MARCHF1: variants seen among roughly 807,000 people sequenced by gnomAD.
MARCHF1 encodes the protein membrane associated ring-CH-type finger 1.
Under a neutral mutation model 54.2 loss-of-function variants are expected in MARCHF1, and 40 were observed. The ratio of observed to expected loss-of-function variants is 0.74; its 90% CI spans 0.57 to 0.96. The LOEUF (loss-of-function observed/expected upper bound fraction) is 0.96, where lower values mean the gene tolerates loss of function less well. MARCHF1 is among the 40% of genes least tolerant of loss of function. The probability of loss-of-function intolerance (pLI) is 0.00; values close to 1 mark genes in which losing one functional copy is unlikely to be tolerated. For synonymous variants in MARCHF1, 236 were observed against 236.3 expected, an observed-to-expected ratio of 1.00 and a Z score of 0.01; for missense variants, 586 against 656.5, an observed-to-expected ratio of 0.89 and a Z score of 1.17.
intron 5 of MARCHF1, among the ~76,000 whole-genome samples, chr4:163,677,584 CAACA>C (rs1167274097): frequency 6.6e-5 from 10 of 152,204 alleles, no homozygotes; most frequent in South Asian, 6.2e-4. Flanking sequence ...TATTTAATAC[CAACA>C]AACAAACAAA....
chr4:163,753,002 G>A (rs1416564810), intron 4 of MARCHF1, among the ~76,000 whole-genome samples: 1 of 152,112 alleles, frequency 6.6e-6, no homozygotes, highest in Non-Finnish European at 1.5e-5. Flanking sequence ...AATGGTATAT[G>A]AGGCTTTGTT....
intron 4 of MARCHF1, among the ~76,000 whole-genome samples, chr4:163,798,899 TTA>T (rs529086617): frequency 1.2e-3 from 185 of 152,166 alleles, no homozygotes; most frequent in South Asian, 2.5e-3. Flanking sequence ...GGAAAGTTAC[TTA>T]TGTATAACTT....
intron 1 of MARCHF1, among the ~76,000 whole-genome samples, chr4:164,164,558 A>G (rs1480094545): frequency 6.6e-6 from 1 of 152,092 alleles, no homozygotes; most frequent in Admixed American, 6.6e-5. Flanking sequence ...AGTTAGCTAC[A>G]TAACAAAGAA....
intron 1 of MARCHF1, among the ~76,000 whole-genome samples, chr4:164,267,001 G>A (rs1486345224): frequency 6.6e-6 from 1 of 152,168 alleles, no homozygotes; most frequent in Non-Finnish European, 1.5e-5. Context: ...GTGACATGAT[G>A]TCTACATCAC....
chr4:164,366,995 C>A (rs2110943670), intron 1 of MARCHF1, among the ~76,000 whole-genome samples: 1 of 152,134 alleles, frequency 6.6e-6, no homozygotes, highest in South Asian at 2.1e-4. Flanking sequence ...TAACACAAGG[C>A]CTAAGTTTCT....
chr4:164,044,220 G>T (rs1222302398), intron 2 of MARCHF1, among the ~76,000 whole-genome samples: 1 of 152,068 alleles, frequency 6.6e-6, no homozygotes, highest in African/African-American at 2.4e-5. Context: ...TTCTGTATTA[G>T]TCTGTTCTCA....
chr4:163,902,261 A>G (rs1579379416), intron 3 of MARCHF1, among the ~76,000 whole-genome samples: 1 of 152,200 alleles, frequency 6.6e-6, no homozygotes, highest in African/African-American at 2.4e-5. Context: ...ATATGCCTGA[A>G]TTACCATCAG....
At chr4:163,744,550 G>A (rs1746301122) in intron 4 of MARCHF1, among the ~76,000 whole-genome samples, 1 of 152,034 alleles carries the variant, frequency 6.6e-6, no homozygotes, top group Admixed American at 6.5e-5. Context: ...TTAATTTGTT[G>A]GTAAATAGTG....
intron 2 of MARCHF1, among the ~76,000 whole-genome samples, chr4:163,997,584 T>G (rs937058199): frequency 6.6e-6 from 1 of 151,958 alleles, no homozygotes; most frequent in Non-Finnish European, 1.5e-5. Flanking sequence ...ACCCTTTAAT[T>G]TGGGGTTTCT....
intron 1 of MARCHF1, among the ~76,000 whole-genome samples, chr4:164,208,085 A>AT (rs1450411156): frequency 1.3e-5 from 2 of 152,112 alleles, no homozygotes; most frequent in African/African-American, 2.4e-5. Context: ...GGCAAGGGGG[A>AT]TTGTGTATGA....
intron 5 of MARCHF1, among the ~76,000 whole-genome samples, chr4:163,667,336 T>C (rs1358326981): frequency 6.6e-6 from 1 of 152,100 alleles, no homozygotes; most frequent in Admixed American, 6.5e-5. Context: ...AGCACCACAT[T>C]TTTAAATCAC....
At chr4:163,762,451 A>G (rs907546796) in intron 4 of MARCHF1, among the ~76,000 whole-genome samples, 27 of 152,268 alleles carry the variant, frequency 1.8e-4, no homozygotes, top group Middle Eastern at 3.4e-3. Flanking sequence ...TTGGATATTT[A>G]AGGCAAAAAT....
intron 4 of MARCHF1, among the ~76,000 whole-genome samples, chr4:163,773,954 G>A (rs1261686146): frequency 6.6e-6 from 1 of 152,084 alleles, no homozygotes; most frequent in East Asian, 1.9e-4. Flanking sequence ...AAAGAAGTCA[G>A]AATCATATCT....
At chr4:163,960,884 C>T (rs926430912) in intron 3 of MARCHF1, among the ~76,000 whole-genome samples, 10 of 151,458 alleles carry the variant, frequency 6.6e-5, no homozygotes, top group South Asian at 6.3e-4. Context: ...AGGGACTAGA[C>T]GTCCAAAATC....
intron 4 of MARCHF1, among the ~76,000 whole-genome samples, chr4:163,730,014 C>T (rs1454688733): frequency 2.0e-5 from 3 of 151,968 alleles, no homozygotes; most frequent in Non-Finnish European, 4.4e-5. Context: ...TTTCTCTGTG[C>T]TCTTTTTGTG....
intron 4 of MARCHF1, among the ~76,000 whole-genome samples, chr4:163,753,203 T>C (rs1379725818): frequency 1.3e-5 from 2 of 152,122 alleles, no homozygotes; most frequent in Admixed American, 6.5e-5. Context: ...AAATTTAGCA[T>C]TTTAGTTATT....
chr4:164,364,264 T>A (rs548367860), intron 1 of MARCHF1, among the ~76,000 whole-genome samples: 1 of 152,188 alleles, frequency 6.6e-6, no homozygotes, highest in South Asian at 2.1e-4. Flanking sequence ...ATGTGCAAGT[T>A]CATATAGTCA....
chr4:163,800,978 T>C (rs1748067082), intron 4 of MARCHF1, among the ~76,000 whole-genome samples: 1 of 152,068 alleles, frequency 6.6e-6, no homozygotes, highest in Non-Finnish European at 1.5e-5. Flanking sequence ...CTGTCAACTA[T>C]CTTAAATCCT....
intron 1 of MARCHF1, among the ~76,000 whole-genome samples, chr4:164,212,887 A>G (rs1193472158): frequency 6.6e-6 from 1 of 152,200 alleles, no homozygotes; most frequent in Non-Finnish European, 1.5e-5. Flanking sequence ...CCAATATGTT[A>G]TGAGTCAGAC....
Sources: allele counts gnomAD v4.1 joint callset (sites outside exome capture counted in the v4.1 genomes callset), GRCh38; gene constraint gnomAD v4.1.1; transcripts MANE v1.5; gene names NCBI Gene and HGNC (gene_info 2026-07-23, HGNC 2026-07-21).